The following KIF3B variants were observed in gnomAD, a reference collection of about 807,000 sequenced individuals.
The protein encoded by KIF3B is kinesin-like protein KIF3B.
Under a neutral mutation model 74.3 loss-of-function variants are expected in KIF3B, and 38 were observed. The observed-to-expected ratio is 0.51, with a 90% CI of 0.39 to 0.67. The LOEUF (loss-of-function observed/expected upper bound fraction) is 0.67. KIF3B is among the 30% of genes least tolerant of loss of function. KIF3B has a pLI of 0.00. For missense variants in KIF3B, 649 were observed against 932.0 expected (o/e 0.70, Z 3.95); for synonymous variants, 326 against 342.5 (o/e 0.95, Z 0.53).
intron 8 of KIF3B, 84 bp from the exon 9 acceptor site, chr20:32,331,139 C>G: frequency 1.0e-6 from 1 of 999,576 alleles, no homozygotes; most frequent in East Asian, 2.5e-5. Flanking sequence ...TGAAGAATGG[C>G]CTGAAATGAA....
In KIF3B at chr20:32,310,037, G is replaced by T; in HGVS notation, c.260G>T (p.Gly87Val). 6.2e-7 allele frequency: 1 copy of T among 1,614,164 alleles called. No homozygotes were observed. The highest frequency in any genetic ancestry group is 8.5e-7 in the Non-Finnish European group (1 of 1,180,034). The change falls in exon 2 of 9, where the codon GGT becomes GTT. Residue 87 changes from glycine to valine, a missense_variant. By Grantham distance (109) the Gly-to-Val change is moderately radical (BLOSUM62 -3). This residue lies in a region of KIF3B where 96 missense variants were observed against 119.0 expected (regional missense o/e 0.81). Coordinates refer to ENST00000375712, the MANE Select transcript of KIF3B (RefSeq NM_004798.4). This position sits in a 1 kb window ranked among gnomAD's most constrained non-coding sequence, Gnocchi z 6.5. Reference sequence around the variant, plus strand: ...CCACTTGTTGACTCTGTCCTGCAAGGTTTCAATGGAACCATTTTTGCCTAT... The same window carrying T: ...CCACTTGTTGACTCTGTCCTGCAAGTTTTCAATGGAACCATTTTTGCCTAT... ...FRPLVDSVLQGFNGTIFAYGQ... is the reference protein window; with the variant it reads ...FRPLVDSVLQVFNGTIFAYGQ...
chr20:32,301,774 A>G (rs573344480), intron 1 of KIF3B, among the ~76,000 whole-genome samples: 127 of 152,304 alleles, frequency 8.3e-4, no homozygotes, highest in Non-Finnish European at 1.6e-3. Flanking sequence ...GGAAGCCAAT[A>G]GTTACTGAGA....
At chr20:32,309,195 ATTT>A (rs779522474) in intron 1 of KIF3B, among the ~76,000 whole-genome samples, 2 of 126,568 alleles carry the variant, frequency 1.6e-5, no homozygotes, top group African/African-American at 2.9e-5. Flanking sequence ...TGTTGTTGGT[ATTT>A]TTTTTTTTTT....
chr20:32,331,284 C>G lies in KIF3B; in HGVS notation c.2209C>G (p.Leu737Val). The G allele has an allele frequency of 6.2e-7, 1 of 1,613,634 alleles. No individual in the cohort carries two copies. The highest frequency in any genetic ancestry group is 8.5e-7 in the Non-Finnish European group (1 of 1,179,870). The change falls in exon 9 of 9, where the codon CTT (leucine) becomes GTT (valine). Residue 737 changes from leucine (L) to valine (V), a missense_variant. This residue lies in a region of KIF3B where 186 missense variants were observed against 198.5 expected (regional missense o/e 0.94). Coordinates refer to ENST00000375712, the MANE Select transcript of KIF3B (RefSeq NM_004798.4). ...SSSSGTPASQ[L>V]YPQSRGLVPK is the part of the protein sequence containing the mutation. ...TTCCTCAGGAACCCCTGCATCTCAG[C>G]TTTATCCACAGTCTCGGGGGCTGGT...
intron 1 of KIF3B, among the ~76,000 whole-genome samples, chr20:32,308,568 G>A (rs186091199): frequency 9.5e-4 from 144 of 152,038 alleles, no homozygotes; most frequent in African/African-American, 3.3e-3. Flanking sequence ...CCACCACCAC[G>A]CCCAGCCAAT....
At chr20:32,322,750 A>T (rs868586389) in intron 5 of KIF3B, among the ~76,000 whole-genome samples, 622 of 38,920 alleles carry the variant, frequency 0.016, 11 homozygotes, top group Non-Finnish European at 0.018. Flanking sequence ...ATTTATTTAT[A>T]TATATATTTA....
intron 1 of KIF3B, among the ~76,000 whole-genome samples, chr20:32,306,388 C>T (rs2047771140): frequency 6.6e-6 from 1 of 151,716 alleles, no homozygotes; most frequent in South Asian, 2.1e-4. Flanking sequence ...GAGCAAGATT[C>T]CGTCTCAAAG....
chr20:32,281,918 G>A (rs554889074), intron 1 of KIF3B, among the ~76,000 whole-genome samples: 76 of 152,278 alleles, frequency 5.0e-4, no homozygotes, highest in Non-Finnish European at 8.8e-4. Context: ...GCAGGGACAG[G>A]TGAGTCAAAG....
At chr20:32,287,584 G>A (rs2047673069) in intron 1 of KIF3B, among the ~76,000 whole-genome samples, 1 of 152,110 alleles carries the variant, frequency 6.6e-6, no homozygotes, top group African/African-American at 2.4e-5. Context: ...GCCTCCCAAA[G>A]TGCTGAGACT....
chr20:32,317,935 C>T (rs907633747), intron 5 of KIF3B, among the ~76,000 whole-genome samples: 1 of 152,138 alleles, frequency 6.6e-6, no homozygotes, highest in African/African-American at 2.4e-5. Flanking sequence ...GCCACCACAC[C>T]CAGCCCACAA....
At chr20:32,329,619 T>C (rs1177012634) in intron 7 of KIF3B, among the ~76,000 whole-genome samples, 1 of 152,182 alleles carries the variant, frequency 6.6e-6, no homozygotes, top group Non-Finnish European at 1.5e-5. Context: ...GTGGGGCAAG[T>C]GGCTGAACTA....
At chr20:32,306,870 G>A (rs1039020611) in intron 1 of KIF3B, among the ~76,000 whole-genome samples, 1 of 152,038 alleles carries the variant, frequency 6.6e-6, no homozygotes, top group African/African-American at 2.4e-5. Context: ...TGGGATTACA[G>A]GCGTGAGCCA....
intron 7 of KIF3B, 59 bp downstream of exon 7, chr20:32,327,720 G>A: frequency 7.8e-7 from 1 of 1,279,030 alleles, no homozygotes; most frequent in South Asian, 1.2e-5. Flanking sequence ...ATTTGTGTAA[G>A]CCCTTAGATA....
At position 32,330,250 on chromosome 20, in the gene KIF3B, A is replaced by G; in HGVS notation, c.2078A>G (p.Gln693Arg). 2 of 1,614,162 alleles carry G rather than the reference A, an allele frequency of 1.2e-6. No individual in the cohort carries two copies. Among genetic ancestry groups the G allele is most frequent in the East Asian group, 2.2e-5 (1 of 44,886 alleles). ...KVQAALDAAL[Q>R]DEDEIQVDAS... is the part of the protein sequence containing the mutation. Reference sequence around the variant, plus strand: ...CAGGCTGCATTGGATGCGGCTCTGCAGGATGAAGATGAGATACAGGTGGAT... The same window carrying G: ...CAGGCTGCATTGGATGCGGCTCTGCGGGATGAAGATGAGATACAGGTGGAT... The change falls in exon 8 of 9, where the codon CAG becomes CGG. Residue 693 changes from glutamine (Q) to arginine (R), a missense_variant. Transcript: ENST00000375712.
At chr20:32,312,768 G>GGAC (rs2047807578) in intron 2 of KIF3B, among the ~76,000 whole-genome samples, 1 of 152,170 alleles carries the variant, frequency 6.6e-6, no homozygotes, top group African/African-American at 2.4e-5. Context: ...AGGAGAACAT[G>GGAC]GACGTGCAAG....
chr20:32,317,007 G>A (rs1198347516), intron 5 of KIF3B, 133 bp downstream of exon 5: 15 of 681,290 alleles, frequency 2.2e-5, no homozygotes, highest in East Asian at 5.5e-5. Flanking sequence ...AAGCGGAGGC[G>A]GGCAGATCAC....
intron 1 of KIF3B, among the ~76,000 whole-genome samples, chr20:32,280,377 TG>T (rs11167163): frequency 0.68 from 103,878 of 151,782 alleles, 37,527 homozygotes; most frequent in East Asian, 0.99. Context: ...TTTATACAGT[TG>T]GCCCCAGGAA....
At chr20:32,302,413 G>T (rs983503048) in intron 1 of KIF3B, among the ~76,000 whole-genome samples, 2 of 152,110 alleles carry the variant, frequency 1.3e-5, no homozygotes, top group Non-Finnish European at 2.9e-5. Context: ...GATTAATGTA[G>T]GTCATTATCA....
At chr20:32,315,733 CCA>C (rs1189954514) in intron 2 of KIF3B, among the ~76,000 whole-genome samples, 4 of 152,014 alleles carry the variant, frequency 2.6e-5, no homozygotes, top group Non-Finnish European at 5.9e-5. Flanking sequence ...TAAAAAATCC[CCA>C]CAGAGTCTGA....
Sources: allele counts gnomAD v4.1 joint callset (sites outside exome capture counted in the v4.1 genomes callset), GRCh38; gene constraint gnomAD v4.1.1; regional missense constraint gnomAD v4.1.1; non-coding constraint Gnocchi (gnomAD v3.1); transcripts MANE v1.5; gene names NCBI Gene and HGNC (gene_info 2026-07-23, HGNC 2026-07-21).